Variants in UGT1A5 observed in about 807,000 individuals in gnomAD.
UGT1A5 encodes the protein UDP-glucuronosyltransferase 1A5.
A neutral mutation model predicts 40.3 loss-of-function variants in UGT1A5; 29 were observed. The observed-to-expected ratio is 0.72, with a 90% CI of 0.54 to 0.98. The LOEUF is 0.98. Ranked by LOEUF, UGT1A5 falls within the 50% of genes least tolerant of loss-of-function variation. The pLI, the probability that UGT1A5 is intolerant of heterozygous loss-of-function variation, is 0.00. For synonymous variants in UGT1A5, 257 were observed against 262.5 expected, an observed-to-expected ratio of 0.98 and a Z score of 0.20; for missense variants, 678 against 677.9, an observed-to-expected ratio of 1.00 and a Z score of 0.00.
rs1357806418 is a variant in UGT1A5 at position 233,725,294 on chromosome 2, A to G, written c.867+11436A>G. ...CAGAGGCAGAGGCAGAGGCAGAGGC[A>G]GAGGCAGAGGCAGAGGCAGAGGCGC... On this transcript the variant is annotated intron_variant, in intron 1 of 4. Coordinates refer to ENST00000373414, the MANE Select transcript of UGT1A5 (RefSeq NM_019078.2). 6.7e-5 allele frequency among the ~76,000 whole-genome samples: 7 copies of G among 104,870 alleles called. 1 individual carries two copies. The highest frequency in any genetic ancestry group is 6.5e-4 in the South Asian group (2 of 3,086). The allele number at this position is 104,870 out of a possible 152,430, so 68.8% of individuals were successfully genotyped here. A position where few individuals can be genotyped will look rare whatever the true frequency, so the allele number is the denominator to read the frequency against.
intron 1 of UGT1A5, among the ~76,000 whole-genome samples, chr2:233,746,990 A>G (rs971804174): frequency 6.6e-6 from 1 of 151,860 alleles, no homozygotes. Context: ...GCAGGGTCAG[A>G]TGAGTTTTTC....
At position 233,754,728 on chromosome 2, in the gene UGT1A5, C is replaced by CT. The variant is rs1413290062; in HGVS notation, c.868-12305dup. ...GGACTTGAAGCTGCCTGTCCCATCACTACCGTAGGACATGCAGAAGGAAGA... is the reference window on the plus strand; with the variant it reads ...GGACTTGAAGCTGCCTGTCCCATCACTTACCGTAGGACATGCAGAAGGAAGA... On this transcript the variant is annotated intron_variant, in intron 1 of 4. Transcript: ENST00000373414. 1.8e-5 allele frequency: 11 copies of CT among 620,812 alleles called. No individual in the cohort carries two copies. In the African/African-American group the frequency reaches 2.1e-4, roughly 12 times the overall value. 38.5% of individuals were successfully genotyped at this position (620,812 alleles called of 1,614,324 possible). A position where few individuals can be genotyped will look rare whatever the true frequency, so the allele number is the denominator to read the frequency against.
intron 1 of UGT1A5, among the ~76,000 whole-genome samples, chr2:233,758,500 A>T (rs552604642): frequency 1.2e-4 from 19 of 152,348 alleles, no homozygotes; most frequent in African/African-American, 4.6e-4. Flanking sequence ...CAGAATTTCT[A>T]ATAAGGACAC....
At chr2:233,747,112 G>A (rs896483290) in intron 1 of UGT1A5, 4 of 1,422,320 alleles carry the variant, frequency 2.8e-6, no homozygotes, top group African/African-American at 2.9e-5. Flanking sequence ...ATTACATGAT[G>A]ATTTGCTAAG....
intron 1 of UGT1A5, chr2:233,718,075 G>A (rs2076626489): frequency 1.7e-5 from 6 of 344,578 alleles, no homozygotes; most frequent in South Asian, 1.2e-4. Context: ...CCTTGCTAGG[G>A]TTGTCTTGCC....
chr2:233,760,182 T>C lies in UGT1A5; in HGVS notation c.868-6852T>C, dbSNP rs34547608. The C allele has an allele frequency of 4.0e-3, 6,144 of 1,550,378 alleles. 201 individuals are homozygous for C. The African/African-American group carries it at 0.074, about 19-fold the overall frequency. Reference sequence around the variant, plus strand: ...ACCTTTGTGGACTGACAGCTTTTTATAGTCACGTGACACAGTCAAACATTA... The same window carrying C: ...ACCTTTGTGGACTGACAGCTTTTTACAGTCACGTGACACAGTCAAACATTA... On this transcript the variant is annotated intron_variant, in intron 1 of 4. Transcript: ENST00000373414.
intron 1 of UGT1A5, chr2:233,718,894 G>A: frequency 6.2e-7 from 1 of 1,614,034 alleles, no homozygotes; most frequent in Non-Finnish European, 8.5e-7. Context: ...GTCCAGCCCT[G>A]GGCTGAGAGT....
intron 1 of UGT1A5, chr2:233,722,120 C>G (rs2076991666): frequency 5.4e-6 from 1 of 185,150 alleles, no homozygotes; most frequent in South Asian, 1.2e-4. Context: ...CTATCATCAT[C>G]ATTAGTAGAG....
intron 1 of UGT1A5, among the ~76,000 whole-genome samples, chr2:233,745,902 G>A (rs961529996): frequency 3.3e-5 from 5 of 151,560 alleles, no homozygotes; most frequent in Non-Finnish European, 7.4e-5. Flanking sequence ...CGTTTTTCAG[G>A]GAGCAGCTGA....
At position 233,772,917 on chromosome 2, in the gene UGT1A5, G is replaced by A. The variant is rs930433907; in HGVS notation, c.*358G>A. ...TCCCACGGCTGCCCCTACTGCAAAT[G>A]GCAGTTTTAATCTTATCTTTTGGCT... On this transcript the variant is annotated 3_prime_UTR_variant, in exon 5 of 5. Coordinates refer to ENST00000373414, the MANE Select transcript of UGT1A5 (RefSeq NM_019078.2). The A allele has an allele frequency of 5.3e-6, 2 of 380,130 alleles. No individual in the cohort carries two copies. The highest frequency in any genetic ancestry group is 9.3e-6 in the Non-Finnish European group (2 of 215,476). The allele number at this position is 380,130 out of a possible 1,614,324, so 23.5% of individuals were successfully genotyped here.
intron 1 of UGT1A5, chr2:233,738,921 G>A (rs1476491765): frequency 6.6e-6 from 1 of 152,268 alleles, no homozygotes; most frequent in Non-Finnish European, 1.5e-5. Flanking sequence ...CAGGCCTGGA[G>A]GCCTAGGAAG....
intron 1 of UGT1A5, among the ~76,000 whole-genome samples, chr2:233,724,362 A>T (rs1231465010): frequency 6.9e-6 from 1 of 144,202 alleles, no homozygotes; most frequent in African/African-American, 2.6e-5. Context: ...TCCCTCCCGG[A>T]CGGGGTGGCT....
intron 1 of UGT1A5, among the ~76,000 whole-genome samples, chr2:233,735,584 T>C (rs2078671129): frequency 6.6e-6 from 1 of 152,234 alleles, no homozygotes; most frequent in Admixed American, 6.5e-5. Context: ...GCCCGTTAAT[T>C]GATGCAGTTT....
At chr2:233,755,053 C>CCCTCG (rs778721180) in intron 1 of UGT1A5, 9 of 1,332,572 alleles carry the variant, frequency 6.8e-6, no homozygotes, top group Non-Finnish European at 6.1e-6. Flanking sequence ...CCGCCCTCCG[C>CCCTCG]CCTCGCCTCG....
Position 233,719,440 on chromosome 2 carries a change from T to G in UGT1A5, c.867+5582T>G, listed in dbSNP as rs2076766565. The G allele has an allele frequency of 3.7e-6, 6 of 1,613,928 alleles. No individual in the cohort carries two copies. In the East Asian group the frequency reaches 1.3e-4, roughly 36 times the overall value. ...ACGACCAATTCAGACCACATGACAT[T>G]CCTGCAAAGGGTCAAGAACATGCTC... On this transcript the variant is annotated intron_variant, in intron 1 of 4. Coordinates refer to ENST00000373414, the MANE Select transcript of UGT1A5 (RefSeq NM_019078.2).
At chr2:233,744,192 A>C (rs1389532681) in intron 1 of UGT1A5, among the ~76,000 whole-genome samples, 1 of 151,842 alleles carries the variant, frequency 6.6e-6, no homozygotes, top group East Asian at 1.9e-4. Flanking sequence ...CATGGTCTCC[A>C]AAAAGGATGG....
chr2:233,756,049 A>G (rs1408892544), intron 1 of UGT1A5: 1 of 152,200 alleles, frequency 6.6e-6, no homozygotes, highest in Admixed American at 6.5e-5. Flanking sequence ...GGAAAACTCC[A>G]CTGTACACTT....
rs11568317 is a variant in UGT1A5 at position 233,757,117 on chromosome 2, A to G, written c.868-9917A>G. ...GAGGGAGGGGGCAAGCAGAAGGGCT[A>G]GAGAGGAGGAATGAGCTTGGACAGG... On this transcript the variant is annotated intron_variant, in intron 1 of 4. Transcript: ENST00000373414. Among the ~76,000 whole-genome samples, 108 of 151,324 alleles carry G rather than the reference A, an allele frequency of 7.1e-4. 1 individual carries two copies. In the East Asian group the frequency reaches 0.02, roughly 28 times the overall value.
intron 1 of UGT1A5, among the ~76,000 whole-genome samples, chr2:233,739,561 C>T (rs1384558605): frequency 1.3e-5 from 2 of 152,192 alleles, no homozygotes; most frequent in African/African-American, 4.8e-5. Flanking sequence ...TAATGACTGC[C>T]CTGCCTGGTT....
Sources: gnomAD v4.1 joint callset for allele counts (sites outside exome capture counted in the v4.1 genomes callset) on GRCh38, gnomAD v4.1.1 for gene constraint, MANE v1.5 for transcripts, NCBI Gene and HGNC (gene_info 2026-07-23, HGNC 2026-07-21) for gene names.